ATG2A: variants seen among roughly 807,000 people sequenced by gnomAD.
ATG2A encodes autophagy-related protein 2 homolog A.
In ATG2A, 103 loss-of-function variants were observed where a neutral mutation model predicts 214.2. The observed-to-expected ratio is 0.48, with a 90% confidence interval of 0.41 to 0.57. The LOEUF (loss-of-function observed/expected upper bound fraction) is 0.57. Ranked by LOEUF, ATG2A falls within the 20% of genes least tolerant of loss-of-function variation. The pLI is 0.00. For synonymous variants in ATG2A, 1,160 were observed against 1,142.1 expected (o/e 1.02, Z -0.32); for missense variants, 2,312 against 2,613.2 (o/e 0.88, Z 2.51).
Position 64,896,905 on chromosome 11 carries a change from G to A in ATG2A, c.5151-36C>T, listed in dbSNP as rs1944173004. The A allele has an allele frequency of 2.5e-6, 4 of 1,609,830 alleles. No homozygotes were observed. In the Middle Eastern group the frequency reaches 5.0e-4, roughly 200 times the overall value. ...AGGGAGGTGAGGAGGCAGAAGGTGA[G>A]GCAGAGCCACACATGGAGGGATTGT... On this transcript the variant is annotated intron_variant, in intron 37 of 40. Transcript: ENST00000377264.
chr11:64,898,584 C>A lies in ATG2A; in HGVS notation c.4671+52G>T, dbSNP rs998363615. 6.3e-7 allele frequency: 1 copy of A among 1,585,398 alleles called. No individual in the cohort carries two copies. The highest frequency in any genetic ancestry group is 1.7e-5 in the Admixed American group (1 of 59,788). On this transcript the variant is annotated intron_variant, in intron 32 of 40. Transcript: ENST00000377264. This position sits in a 1 kb window ranked among gnomAD's most constrained non-coding sequence, Gnocchi z 4.5. ...AATCCATGCATGCGTGAAGATGTAT[C>A]CCCAACGGTCTGGTGCCCTGCCCCA...
intron 19 of ATG2A, 133 bp downstream of exon 19, chr11:64,907,122 T>G (rs550880615): frequency 9.0e-7 from 1 of 1,105,148 alleles, no homozygotes; most frequent in Non-Finnish European, 1.2e-6. Context: ...CAGGCTGGCG[T>G]GGGTGGGCTG....
In ATG2A at chr11:64,917,199, C is replaced by A. The variant is rs1257060460; in HGVS notation, c.-64G>T. The A allele has an allele frequency of 2.0e-6, 3 of 1,508,388 alleles. No homozygotes were observed. The highest frequency in any genetic ancestry group is 2.8e-5 in the African/African-American group (2 of 71,618). The allele number at this position is 1,508,388 out of a possible 1,614,324, so 93.4% of individuals were successfully genotyped here. A position where few individuals can be genotyped will look rare whatever the true frequency, so the allele number is the denominator to read the frequency against. ...CCCGCCGGCGATCCCCGTCCGGCTC[C>A]GCTGTTCACTAGAGCCCCCGGCTCG... On this transcript the variant is annotated 5_prime_UTR_variant, in exon 1 of 41. Transcript: ENST00000377264.
At chr11:64,900,245 C>T (rs1372225083) in intron 31 of ATG2A, among the ~76,000 whole-genome samples, 1 of 151,918 alleles carries the variant, frequency 6.6e-6, no homozygotes, top group African/African-American at 2.4e-5. Flanking sequence ...GGTCTTTGTT[C>T]AAATGGTGCC....
Position 64,911,126 on chromosome 11 carries a change from C to G in ATG2A, c.1378G>C (p.Asp460His). 1 of 1,614,112 alleles carries G rather than the reference C, an allele frequency of 6.2e-7. No individual in the cohort carries two copies. Among genetic ancestry groups the G allele is most frequent in the Non-Finnish European group, 8.5e-7 (1 of 1,180,030 alleles). The change falls in exon 10 of 41, where the codon GAT becomes CAT. Residue 460 changes from aspartate (D) to histidine (H), a missense_variant. Physicochemically the swap from Asp to His is moderately conservative, Grantham distance 81. Transcript: ENST00000377264. ...DLATHFFTEF[D>H]ATKDGPFGSR... ...CCGAAGGGCCCATCCTTGGTGGCAT[C>G]AAACTCGGTGAAAAAGTGCGTGGCG...
intron 36 of ATG2A, 49 bp from the exon 37 acceptor site, chr11:64,897,543 A>C (rs778577551): frequency 6.3e-7 from 1 of 1,595,782 alleles, no homozygotes; most frequent in South Asian, 1.1e-5. Context: ...TCAGGGAGCT[A>C]GCTAGCCCAT....
At position 64,898,786 on chromosome 11, in the gene ATG2A, G is replaced by T; in HGVS notation, c.4521C>A (p.Pro1507=). Residue 1507 remains proline (P), a synonymous_variant, in exon 32 of 41, where the codon CCC becomes CCA. Coordinates refer to ENST00000377264, the MANE Select transcript of ATG2A (RefSeq NM_015104.3). The surrounding 1 kb of genome is among the most constrained non-coding windows in gnomAD (Gnocchi z 4.5). ...GCGGTCGCTCCTCCAGCTCCTGGCT[G>T]GGGGCCGCAGGGCCTGTGGCTGGCT... The part of the protein sequence containing the change: ...PAEPATGPAA[P]SQELEERPLS... 1 of 1,613,594 alleles carries T rather than the reference G, an allele frequency of 6.2e-7. No individual in the cohort carries two copies. Among genetic ancestry groups the T allele is most frequent in the Non-Finnish European group, 8.5e-7 (1 of 1,180,004 alleles).
rs1944737455 is a variant in ATG2A, at chr11:64,910,722, C to T, written c.1615-14G>A. The T allele has an allele frequency of 1.9e-6, 3 of 1,609,532 alleles. No homozygotes were observed. The highest frequency in any genetic ancestry group is 2.2e-5 in the South Asian group (2 of 90,346). ...AAAGGTCAGGATCTGGGATGGGACCCGGGAGGCACACAGGGTCAGGCCTGG... is the reference window on the plus strand; with the variant it reads ...AAAGGTCAGGATCTGGGATGGGACCTGGGAGGCACACAGGGTCAGGCCTGG... On this transcript the variant is annotated splice_polypyrimidine_tract_variant and intron_variant, in intron 11 of 40. Transcript: ENST00000377264.
At position 64,903,782 on chromosome 11, in the gene ATG2A, G is replaced by T; in HGVS notation, c.3465-122C>A. ...ATGGACAGGCCCCTCCAGCCTCAGC[G>T]TTCCTGCCTGCACAATGGGGAGAAG... On this transcript the variant is annotated intron_variant, in intron 24 of 40. Transcript: ENST00000377264. This position sits in a 1 kb window ranked among gnomAD's most constrained non-coding sequence, Gnocchi z 4.2. 1.1e-6 allele frequency: 1 copy of T among 912,524 alleles called. No homozygotes were observed. The highest frequency in any genetic ancestry group is 1.6e-6 in the Non-Finnish European group (1 of 612,778). 56.5% of individuals were successfully genotyped at this position (912,524 alleles called of 1,614,324 possible). A position where few individuals can be genotyped will look rare whatever the true frequency, so the allele number is the denominator to read the frequency against.
chr11:64,916,915 G>T (rs779898070), intron 1 of ATG2A, 50 bp downstream of exon 1: 1 of 1,601,920 alleles, frequency 6.2e-7, no homozygotes, highest in Admixed American at 1.7e-5. Flanking sequence ...GCCTCAGGTC[G>T]CTGCGCTCCC....
At position 64,914,372 on chromosome 11, in the gene ATG2A, G is replaced by T. The variant is rs1369242439; in HGVS notation, c.300C>A (p.Gly100=). ...GGCGGGGCTGCAAGGTGAGCTGGAGGCCGGACACGCGCACTGTGCAGTGGT... is the reference window on the plus strand; with the variant it reads ...GGCGGGGCTGCAAGGTGAGCTGGAGTCCGGACACGCGCACTGTGCAGTGGT... The part of the protein sequence containing the change: ...LTDHCTVRVS[G]LQLTLQPRRG... Residue 100 remains glycine, a synonymous_variant, in exon 2 of 41, where the codon GGC becomes GGA. Coordinates refer to ENST00000377264, the MANE Select transcript of ATG2A (RefSeq NM_015104.3). 2.5e-6 allele frequency: 4 copies of T among 1,609,790 alleles called. No individual in the cohort carries two copies. In the African/African-American group the frequency reaches 5.3e-5, roughly 21 times the overall value.
rs572049564 is a variant in ATG2A, at chr11:64,898,953, G to A, written c.4465-111C>T. 5.9e-5 allele frequency: 63 copies of A among 1,071,878 alleles called. No individual in the cohort carries two copies. The Admixed American group carries it at 1.1e-3, about 18-fold the overall frequency. The allele number at this position is 1,071,878 out of a possible 1,614,324, so 66.4% of individuals were successfully genotyped here. On this transcript the variant is annotated intron_variant, in intron 31 of 40. Transcript: ENST00000377264. The surrounding 1 kb of genome is among the most constrained non-coding windows in gnomAD (Gnocchi z 4.5). ...TTTTGAGACAGAGTCTCACTCTGTC[G>A]CCCAGGTTGGAGTGCAGTGGCGTGA... is the stretch of plus-strand genomic sequence containing the variant.
In ATG2A at chr11:64,917,175, C is replaced by A. The variant is rs758430400; in HGVS notation, c.-40G>T. 1.9e-6 allele frequency: 3 copies of A among 1,555,812 alleles called. No homozygotes were observed. The Admixed American group carries it at 5.4e-5, about 28-fold the overall frequency. ...GGCCTGGGCCGCCTCCGCTTGCCGCCCGCCGGCGATCCCCGTCCGGCTCCG... is the reference window on the plus strand; with the variant it reads ...GGCCTGGGCCGCCTCCGCTTGCCGCACGCCGGCGATCCCCGTCCGGCTCCG... On this transcript the variant is annotated 5_prime_UTR_variant, in exon 1 of 41. Transcript: ENST00000377264.
Position 64,910,203 on chromosome 11 carries a change from C to CG in ATG2A, c.1708-9dup, listed in dbSNP as rs1565058886. Reference sequence around the variant, plus strand: ...TGAGCGCCGGGGTCGGCTCTGAGGGCGAGGGCGTTCAGGTCAGTGAGGGCT... The same window carrying CG: ...TGAGCGCCGGGGTCGGCTCTGAGGGCGGAGGGCGTTCAGGTCAGTGAGGGCT... On this transcript the variant is annotated splice_polypyrimidine_tract_variant and intron_variant, in intron 12 of 40. Coordinates refer to ENST00000377264, the MANE Select transcript of ATG2A (RefSeq NM_015104.3). 1 of 1,586,420 alleles carries CG rather than the reference C, an allele frequency of 6.3e-7. No individual in the cohort carries two copies. The highest frequency in any genetic ancestry group is 8.6e-7 in the Non-Finnish European group (1 of 1,167,470).
rs747902195 is a variant in ATG2A at position 64,906,373 on chromosome 11, A to C, written c.3144T>G (p.Thr1048=). The C allele has an allele frequency of 3.7e-6, 6 of 1,613,296 alleles. No individual in the cohort carries two copies. The Middle Eastern group carries it at 9.9e-4, about 266-fold the overall frequency. ...GGGGGTCCAGGTGGATGCGCACAGC[A>C]GTGGACAACATGTGGGGTCCCCGGC... The part of the protein sequence containing the change: ...GQGRGPHMLS[T]AVRIHLDPHK... Residue 1048 remains threonine (T), a synonymous_variant, in exon 21 of 41, where the codon ACT becomes ACG. Transcript: ENST00000377264.
intron 39 of ATG2A, among the ~76,000 whole-genome samples, chr11:64,896,184 C>G (rs376606783): frequency 6.6e-6 from 1 of 152,226 alleles, no homozygotes; most frequent in East Asian, 1.9e-4. Flanking sequence ...CCTCCACCCC[C>G]CTTTACAAGA....
Position 64,905,545 on chromosome 11 carries a change from G to A in ATG2A, c.3464+18C>T. On this transcript the variant is annotated intron_variant, in intron 24 of 40. Coordinates refer to ENST00000377264, the MANE Select transcript of ATG2A (RefSeq NM_015104.3). The stretch of plus-strand genomic sequence containing the variant: ...CCCGGCGAGGGTGGGATGGCCCAGT[G>A]TGGGGCGGCCTGCATACCTGAGCAG... 1 of 1,603,454 alleles carries A rather than the reference G, an allele frequency of 6.2e-7. No homozygotes were observed. Among genetic ancestry groups the A allele is most frequent in the South Asian group, 1.1e-5 (1 of 89,430 alleles).
intron 19 of ATG2A, 57 bp downstream of exon 19, chr11:64,907,198 T>C (rs1156944385): frequency 5.5e-6 from 8 of 1,449,816 alleles, no homozygotes; most frequent in Non-Finnish European, 7.3e-6. Context: ...CTGGTCTTGC[T>C]CTGCCGCCAA....
At chr11:64,911,395 G>C in intron 9 of ATG2A, 120 bp from the exon 10 acceptor site, 2 of 1,023,940 alleles carry the variant, frequency 2.0e-6, no homozygotes, top group Non-Finnish European at 2.9e-6. Context: ...TGTGGCTCTG[G>C]CAGAAGGCTT....
Sources: gnomAD v4.1 joint callset for allele counts (sites outside exome capture counted in the v4.1 genomes callset) on GRCh38, gnomAD v4.1.1 for gene constraint, Gnocchi (gnomAD v3.1) non-coding constraint, MANE v1.5 for transcripts, NCBI Gene and HGNC (gene_info 2026-07-23, HGNC 2026-07-21) for gene names.